PTPRK: variants seen among roughly 807,000 people sequenced by gnomAD.
PTPRK encodes the protein protein tyrosine phosphatase receptor type K, also known as receptor-type tyrosine-protein phosphatase kappa.
PTPRK carries 75 observed loss-of-function variants against 178.0 expected under a neutral mutation model. The ratio of observed to expected loss-of-function variants is 0.42; its 90% CI spans 0.35 to 0.51. The LOEUF (loss-of-function observed/expected upper bound fraction) is 0.51. Among genes scored for constraint, PTPRK ranks in the 20% least tolerant of loss-of-function variants. PTPRK has a pLI of 0.02. For synonymous variants in PTPRK, 637 were observed against 620.6 expected (o/e 1.03, Z -0.39); for missense variants, 1,441 against 1,797.8 (o/e 0.80, Z 3.59).
In PTPRK at chr6:127,981,086, T is replaced by C. The variant is rs200802873; in HGVS notation, c.3711+30A>G. On this transcript the variant is annotated intron_variant, in intron 25 of 29. Transcript: ENST00000368226. ...TGCATTATGTAGCTTTCCACAACAC[T>C]CTACACTAACAAAGAGGGCAGTCTC... The C allele has an allele frequency of 3.8e-4, 606 of 1,600,156 alleles. 4 individuals are homozygous for C. The African/African-American group carries it at 7.4e-3, about 20-fold the overall frequency.
chr6:128,041,328 A>G lies in PTPRK; in HGVS notation c.2194+23430T>C, dbSNP rs1324056290. ...CTAATGCATTTATTAAATCAGATAGATAATCTTTGAAGTAATCCACATTTC... is the reference window on the plus strand; with the variant it reads ...CTAATGCATTTATTAAATCAGATAGGTAATCTTTGAAGTAATCCACATTTC... On this transcript the variant is annotated intron_variant, in intron 13 of 29. Coordinates refer to ENST00000368226, the MANE Select transcript of PTPRK (RefSeq NM_002844.4). Among the ~76,000 whole-genome samples, 3 of 152,206 alleles carry G rather than the reference A, an allele frequency of 2.0e-5. No individual in the cohort carries two copies. In the East Asian group the frequency reaches 5.8e-4, roughly 29 times the overall value.
chr6:128,168,463 C>T (rs1011659056), intron 7 of PTPRK, among the ~76,000 whole-genome samples: 15 of 152,040 alleles, frequency 9.9e-5, no homozygotes, highest in Non-Finnish European at 1.5e-4. Context: ...GGTCCCCAAA[C>T]CCCTAGTGAC....
At chr6:128,096,967 T>G (rs1788018900) in intron 7 of PTPRK, among the ~76,000 whole-genome samples, 1 of 152,232 alleles carries the variant, frequency 6.6e-6, no homozygotes, top group African/African-American at 2.4e-5. Flanking sequence ...CTTTAGGTGC[T>G]TTGTAATTTT....
chr6:128,058,379 T>C (rs976742663), intron 13 of PTPRK, among the ~76,000 whole-genome samples: 2 of 152,176 alleles, frequency 1.3e-5, no homozygotes, highest in East Asian at 3.8e-4. Flanking sequence ...TGGAATCACA[T>C]TGTGGTTTCA....
intron 8 of PTPRK, among the ~76,000 whole-genome samples, chr6:128,087,322 A>ATT (rs905925537): frequency 1.3e-5 from 2 of 149,688 alleles, no homozygotes; most frequent in Non-Finnish European, 1.5e-5. Context: ...TTAGGACATG[A>ATT]TTTTTTTTTT....
At chr6:128,238,183 G>A (rs748755444) in intron 5 of PTPRK, 11 of 211,236 alleles carry the variant, frequency 5.2e-5, no homozygotes, top group East Asian at 1.6e-4. Flanking sequence ...TGTAGCAAAC[G>A]CCAAAAAAAA....
intron 3 of PTPRK, among the ~76,000 whole-genome samples, chr6:128,319,337 T>A (rs1828475501): frequency 6.6e-6 from 1 of 152,154 alleles, no homozygotes; most frequent in Non-Finnish European, 1.5e-5. Context: ...TGGACTAGCC[T>A]CCTTAAGAGC....
intron 6 of PTPRK, among the ~76,000 whole-genome samples, chr6:128,207,634 AAATT>A (rs2128262709): frequency 6.6e-6 from 1 of 152,336 alleles, no homozygotes; most frequent in African/African-American, 2.4e-5. Context: ...TTCAATCTGA[AAATT>A]ATTAATCAGA....
chr6:128,012,675 G>A (rs977453802), intron 13 of PTPRK, among the ~76,000 whole-genome samples: 3 of 151,226 alleles, frequency 2.0e-5, no homozygotes, highest in Non-Finnish European at 4.4e-5. Flanking sequence ...TAGCTAAAGT[G>A]ACTTGATCAA....
intron 6 of PTPRK, among the ~76,000 whole-genome samples, chr6:128,213,482 T>G (rs1384423645): frequency 6.6e-6 from 1 of 152,084 alleles, no homozygotes; most frequent in Non-Finnish European, 1.5e-5. Context: ...TATTTCAGTT[T>G]TTAGAAAACA....
chr6:128,016,741 T>C (rs1241887809), intron 13 of PTPRK, among the ~76,000 whole-genome samples: 1 of 151,936 alleles, frequency 6.6e-6, no homozygotes, highest in Non-Finnish European at 1.5e-5. Flanking sequence ...TCTTTTTTAT[T>C]TGAAAGTTTT....
chr6:128,261,050 A>T (rs1011388475), intron 3 of PTPRK, among the ~76,000 whole-genome samples: 1 of 151,970 alleles, frequency 6.6e-6, no homozygotes, highest in Non-Finnish European at 1.5e-5. Context: ...ACCCCTCTTG[A>T]TCTGTCAATC....
intron 7 of PTPRK, among the ~76,000 whole-genome samples, chr6:128,115,098 A>G (rs753555686): frequency 2.0e-5 from 3 of 152,098 alleles, no homozygotes; most frequent in Admixed American, 6.5e-5. Flanking sequence ...ATCCCAGGAC[A>G]TATATCAAGC....
intron 25 of PTPRK, among the ~76,000 whole-genome samples, chr6:127,980,482 A>T (rs1775191711): frequency 6.6e-6 from 1 of 150,762 alleles, no homozygotes; most frequent in Non-Finnish European, 1.5e-5. Context: ...ACAGAGTGAG[A>T]CTCTGTCTAA....
At chr6:127,984,352 G>A (rs1775711822) in intron 22 of PTPRK, among the ~76,000 whole-genome samples, 1 of 152,130 alleles carries the variant, frequency 6.6e-6, no homozygotes, top group South Asian at 2.1e-4. Flanking sequence ...CATATTTTGT[G>A]TCCTTTAATT....
intron 6 of PTPRK, among the ~76,000 whole-genome samples, chr6:128,194,245 C>A (rs1472822348): frequency 6.6e-6 from 1 of 151,784 alleles, no homozygotes; most frequent in Admixed American, 6.6e-5. Flanking sequence ...GCCACTATGC[C>A]AGGCTAATTT....
intron 13 of PTPRK, among the ~76,000 whole-genome samples, chr6:128,020,263 C>CATTAATGGGAAATAAGAG (rs1335138084): frequency 1.3e-5 from 2 of 151,980 alleles, no homozygotes; most frequent in Admixed American, 6.6e-5. Flanking sequence ...CTGAGCTGAA[C>CATTAATGGGAAATAAGAG]ATTAATGGGA....
chr6:128,069,606 C>T (rs898766677), intron 11 of PTPRK, among the ~76,000 whole-genome samples: 2 of 152,068 alleles, frequency 1.3e-5, no homozygotes, highest in Non-Finnish European at 2.9e-5. Context: ...CATACATGCT[C>T]TCCAAACAAA....
intron 7 of PTPRK, among the ~76,000 whole-genome samples, chr6:128,146,208 T>A (rs1796462521): frequency 6.6e-6 from 1 of 152,172 alleles, no homozygotes; most frequent in South Asian, 2.1e-4. Context: ...GATATTTGAC[T>A]ACAAAGGGGC....
Sources: gnomAD v4.1 joint callset for allele counts (sites outside exome capture counted in the v4.1 genomes callset) on GRCh38, gnomAD v4.1.1 for gene constraint, MANE v1.5 for transcripts, NCBI Gene and HGNC (gene_info 2026-07-23, HGNC 2026-07-21) for gene names.